VAV3: variants seen among roughly 807,000 people sequenced by gnomAD.
The protein encoded by VAV3 is vav guanine nucleotide exchange factor 3, also known as guanine nucleotide exchange factor VAV3.
A neutral mutation model predicts 131.2 loss-of-function variants in VAV3; 94 were observed. The ratio of observed to expected loss-of-function variants is 0.72; its 90% CI spans 0.61 to 0.85. The LOEUF is 0.85. Among genes scored for constraint, VAV3 ranks in the 40% least tolerant of loss-of-function variants. VAV3 has a pLI of 0.00. For missense variants in VAV3, 939 were observed against 1,002.7 expected, an observed-to-expected ratio of 0.94 and a Z score of 0.86; for synonymous variants, 349 against 342.0, an observed-to-expected ratio of 1.02 and a Z score of -0.22.
At chr1:107,761,088 T>C (rs549307436) in intron 9 of VAV3, among the ~76,000 whole-genome samples, 23 of 152,176 alleles carry the variant, frequency 1.5e-4, no homozygotes, top group South Asian at 6.2e-4. Context: ...AACTATTTTG[T>C]GTATGAAAAT....
intron 1 of VAV3, among the ~76,000 whole-genome samples, chr1:107,955,249 G>A (rs1674750337): frequency 6.6e-6 from 1 of 151,206 alleles, no homozygotes; most frequent in Non-Finnish European, 1.5e-5. Flanking sequence ...GTGAAGTAAT[G>A]TTACCTGCTA....
intron 2 of VAV3, among the ~76,000 whole-genome samples, chr1:107,855,733 C>T (rs1669438524): frequency 6.6e-6 from 1 of 152,010 alleles, no homozygotes; most frequent in East Asian, 1.9e-4. Context: ...ATGAGGACTA[C>T]AAAACCTAAT....
intron 2 of VAV3, among the ~76,000 whole-genome samples, chr1:107,858,526 C>G (rs933463113): frequency 6.6e-6 from 1 of 152,310 alleles, no homozygotes; most frequent in Non-Finnish European, 1.5e-5. Context: ...GTGAGCATTA[C>G]TGCCTGAGCT....
At chr1:107,720,241 C>G (rs538907699) in intron 15 of VAV3, among the ~76,000 whole-genome samples, 1 of 151,418 alleles carries the variant, frequency 6.6e-6, no homozygotes, top group Non-Finnish European at 1.5e-5. Flanking sequence ...AAATTAGCCA[C>G]GTATGGTGGC....
At chr1:107,800,337 C>T (rs1570971546) in intron 2 of VAV3, among the ~76,000 whole-genome samples, 1 of 152,080 alleles carries the variant, frequency 6.6e-6, no homozygotes, top group African/African-American at 2.4e-5. Context: ...CCATTTTCTC[C>T]ATATCCTCAC....
At chr1:107,757,438 G>T in intron 10 of VAV3, 109 bp from the exon 11 acceptor site, 2 of 955,600 alleles carry the variant, frequency 2.1e-6, no homozygotes, top group Non-Finnish European at 3.0e-6. Flanking sequence ...TCTCTATAAT[G>T]TGATAAATCT....
chr1:107,812,036 T>G (rs1051392514), intron 2 of VAV3, among the ~76,000 whole-genome samples: 2 of 152,176 alleles, frequency 1.3e-5, no homozygotes, highest in Non-Finnish European at 2.9e-5. Context: ...ACAGCCTCTA[T>G]AACAGCAAGC....
At chr1:107,914,635 T>C (rs1443874803) in intron 1 of VAV3, among the ~76,000 whole-genome samples, 2 of 152,360 alleles carry the variant, frequency 1.3e-5, no homozygotes, top group Non-Finnish European at 2.9e-5. Flanking sequence ...CTTTCTCCAG[T>C]GTGCCATAAT....
intron 15 of VAV3, among the ~76,000 whole-genome samples, chr1:107,742,235 C>CT (rs11412324): frequency 0.17 from 25,845 of 151,434 alleles, 2,283 homozygotes; most frequent in South Asian, 0.26. Flanking sequence ...CTCATCAAGT[C>CT]TTTTTTTTTC....
intron 2 of VAV3, among the ~76,000 whole-genome samples, chr1:107,825,037 T>C (rs1003747498): frequency 1.3e-5 from 2 of 152,176 alleles, no homozygotes; most frequent in African/African-American, 4.8e-5. Flanking sequence ...TCTTAACATT[T>C]TGTAAATAAA....
chr1:107,837,748 T>C (rs1193525319), intron 2 of VAV3, among the ~76,000 whole-genome samples: 1 of 152,074 alleles, frequency 6.6e-6, no homozygotes, highest in Non-Finnish European at 1.5e-5. Context: ...CCTACAACTA[T>C]CTGATCTTTG....
At chr1:107,918,859 C>T (rs1432724778) in intron 1 of VAV3, among the ~76,000 whole-genome samples, 2 of 151,778 alleles carry the variant, frequency 1.3e-5, no homozygotes, top group East Asian at 1.9e-4. Flanking sequence ...ACATCCACCA[C>T]CATGCCCAGC....
intron 15 of VAV3, among the ~76,000 whole-genome samples, chr1:107,747,297 A>G (rs1001642474): frequency 2.6e-5 from 4 of 152,114 alleles, no homozygotes; most frequent in Non-Finnish European, 4.4e-5. Flanking sequence ...ATGAAATTCA[A>G]TTTCCTTCTC....
intron 19 of VAV3, among the ~76,000 whole-genome samples, chr1:107,678,601 C>A (rs1658383020): frequency 6.6e-6 from 1 of 151,852 alleles, no homozygotes; most frequent in Non-Finnish European, 1.5e-5. Flanking sequence ...CATTTAAAAG[C>A]AAATCTAAAA....
intron 19 of VAV3, among the ~76,000 whole-genome samples, chr1:107,677,579 G>C (rs4915065): frequency 0.095 from 14,483 of 152,092 alleles, 1,217 homozygotes; most frequent in East Asian, 0.44. Flanking sequence ...ATAAATGTTC[G>C]AAGTAGCTCA....
chr1:107,587,693 C>A (rs1403702001), intron 25 of VAV3, among the ~76,000 whole-genome samples: 3 of 152,154 alleles, frequency 2.0e-5, no homozygotes, highest in African/African-American at 7.2e-5. Context: ...TGGGTTCAAG[C>A]AATTCTTCTG....
chr1:107,739,988 A>T (rs1662910571), intron 15 of VAV3, among the ~76,000 whole-genome samples: 1 of 152,204 alleles, frequency 6.6e-6, no homozygotes, highest in Non-Finnish European at 1.5e-5. Context: ...AGCATCACTG[A>T]TTAAACAATG....
intron 25 of VAV3, among the ~76,000 whole-genome samples, chr1:107,579,121 G>T (rs1269453708): frequency 6.6e-6 from 1 of 152,058 alleles, no homozygotes; most frequent in Non-Finnish European, 1.5e-5. Context: ...ATCATCATTC[G>T]CATTCCTATC....
At chr1:107,741,174 G>A (rs1662999202) in intron 15 of VAV3, among the ~76,000 whole-genome samples, 2 of 152,188 alleles carry the variant, frequency 1.3e-5, no homozygotes, top group African/African-American at 4.8e-5. Context: ...TATTAACAAA[G>A]TGAATCTTTT....
Sources: allele counts gnomAD v4.1 joint callset (sites outside exome capture counted in the v4.1 genomes callset), GRCh38; gene constraint gnomAD v4.1.1; transcripts MANE v1.5; gene names NCBI Gene and HGNC (gene_info 2026-07-23, HGNC 2026-07-21).